BNC2: variants seen among roughly 807,000 people sequenced by gnomAD.
BNC2 encodes zinc finger protein basonuclin-2.
Under a neutral mutation model 76.3 loss-of-function variants are expected in BNC2, and 20 were observed. The ratio of observed to expected loss-of-function variants is 0.26; its 90% CI spans 0.18 to 0.38. The LOEUF (loss-of-function observed/expected upper bound fraction) is 0.38, where lower values mean the gene tolerates loss of function less well. Ranked by LOEUF, BNC2 falls within the 10% of genes least tolerant of loss-of-function variation. The probability of loss-of-function intolerance (pLI) is 1.00; values close to 1 mark genes in which losing one functional copy is unlikely to be tolerated. For missense variants in BNC2, 1,382 were observed against 1,399.8 expected (o/e 0.99, Z 0.20); for synonymous variants, 582 against 514.8 (o/e 1.13, Z -1.77).
chr9:16,492,188 G>A (rs568551994), intron 5 of BNC2, among the ~76,000 whole-genome samples: 11 of 151,718 alleles, frequency 7.3e-5, no homozygotes, highest in Admixed American at 2.6e-4. Flanking sequence ...CTTTCACATG[G>A]TGTGGGCAAG....
chr9:16,820,663 T>A (rs146042147), intron 1 of BNC2, among the ~76,000 whole-genome samples: 1 of 152,292 alleles, frequency 6.6e-6, no homozygotes, highest in Non-Finnish European at 1.5e-5. Context: ...TATCTGAATA[T>A]TAAGACTCAG....
chr9:16,568,204 T>C (rs866158726), intron 4 of BNC2, among the ~76,000 whole-genome samples: 2 of 152,170 alleles, frequency 1.3e-5, no homozygotes, highest in African/African-American at 4.8e-5. Flanking sequence ...GAATTTCCAA[T>C]AGATTAACAT....
chr9:16,443,541 T>TA lies in BNC2; in HGVS notation c.670-6018dup, dbSNP rs1474966421. ...TAAAATGAAACAGTAATTGCTGAATTAAAAATTGATGAAACAATGCTATGC... is the reference window on the plus strand; with the variant it reads ...TAAAATGAAACAGTAATTGCTGAATTAAAAAATTGATGAAACAATGCTATGC... On this transcript the variant is annotated intron_variant, in intron 5 of 6. Coordinates refer to ENST00000380672, the MANE Select transcript of BNC2 (RefSeq NM_017637.6). Among the ~76,000 whole-genome samples, 8 of 146,442 alleles carry TA rather than the reference T, an allele frequency of 5.5e-5. 1 individual carries two copies. Among genetic ancestry groups the TA allele is most frequent in the African/African-American group, 2.2e-4 (8 of 35,996 alleles).
At chr9:16,486,121 G>C (rs1382464395) in intron 5 of BNC2, among the ~76,000 whole-genome samples, 2 of 152,166 alleles carry the variant, frequency 1.3e-5, no homozygotes, top group East Asian at 3.9e-4. Context: ...CCCGTGCTGG[G>C]AGGCTAATGT....
chr9:16,840,875 T>C (rs1280564764), intron 1 of BNC2, among the ~76,000 whole-genome samples: 1 of 152,188 alleles, frequency 6.6e-6, no homozygotes, highest in Non-Finnish European at 1.5e-5. Flanking sequence ...TTAAATACCA[T>C]AACATATTTT....
chr9:16,600,656 T>G (rs1820219152), intron 3 of BNC2, among the ~76,000 whole-genome samples: 1 of 152,238 alleles, frequency 6.6e-6, no homozygotes, highest in Non-Finnish European at 1.5e-5. Context: ...GTGTTTCAAT[T>G]AGTTAAAATA....
rs1563830865 is a variant in BNC2 at position 16,539,705 on chromosome 9, A to AAAG, written c.669+12824_669+12825insCTT. On this transcript the variant is annotated intron_variant, in intron 5 of 6. Coordinates refer to ENST00000380672, the MANE Select transcript of BNC2 (RefSeq NM_017637.6). Reference sequence around the variant, plus strand: ...AAGGAAGGAAGGGAGAAAGGAAGGGAGGAAGGAAGGAAGGGGAAGGAAAAG... The same window carrying AAAG: ...AAGGAAGGAAGGGAGAAAGGAAGGGAAAGGGAAGGAAGGAAGGGGAAGGAAAAG... Among the ~76,000 whole-genome samples, 7 of 119,262 alleles carry AAAG rather than the reference A, an allele frequency of 5.9e-5. 1 individual carries two copies. Among genetic ancestry groups the AAAG allele is most frequent in the African/African-American group, 2.7e-4 (7 of 25,936 alleles). The allele number at this position is 119,262 out of a possible 152,430, so 78.2% of individuals were successfully genotyped here. A position where few individuals can be genotyped will look rare whatever the true frequency, so the allele number is the denominator to read the frequency against.
chr9:16,523,055 C>T (rs1167921721), intron 5 of BNC2, among the ~76,000 whole-genome samples: 2 of 152,186 alleles, frequency 1.3e-5, no homozygotes, highest in African/African-American at 4.8e-5. Flanking sequence ...GAAAATGAAA[C>T]ATGGAAGCAG....
Position 16,530,023 on chromosome 9 carries a change from T to C in BNC2, c.669+22507A>G, listed in dbSNP as rs1447069552. On this transcript the variant is annotated intron_variant, in intron 5 of 6. Transcript: ENST00000380672. ...CCACCATGCCCAGCTAATTTTTGTA[T>C]TTTTAGTAGAGATGGGGTTTCACTT... Among the ~76,000 whole-genome samples, 5 of 152,040 alleles carry C rather than the reference T, an allele frequency of 3.3e-5. No individual in the cohort carries two copies. In the East Asian group the frequency reaches 9.7e-4, roughly 29 times the overall value.
chr9:16,624,872 A>C (rs927744717), intron 3 of BNC2, among the ~76,000 whole-genome samples: 1 of 152,222 alleles, frequency 6.6e-6, no homozygotes, highest in Admixed American at 6.5e-5. Flanking sequence ...TTTCAAGGCC[A>C]GCAAGCACTT....
At chr9:16,506,389 G>C (rs1286420992) in intron 5 of BNC2, among the ~76,000 whole-genome samples, 3 of 151,842 alleles carry the variant, frequency 2.0e-5, no homozygotes, top group Non-Finnish European at 4.4e-5. Context: ...CCACGCTTAA[G>C]TGAAATTATC....
At chr9:16,620,645 G>C (rs563923952) in intron 3 of BNC2, among the ~76,000 whole-genome samples, 2 of 152,086 alleles carry the variant, frequency 1.3e-5, no homozygotes, top group Non-Finnish European at 2.9e-5. Context: ...CATAAGAAAA[G>C]ATTTGTAAAA....
At chr9:16,556,426 G>A (rs1250154175) in intron 4 of BNC2, among the ~76,000 whole-genome samples, 2 of 151,878 alleles carry the variant, frequency 1.3e-5, no homozygotes, top group African/African-American at 2.4e-5. Context: ...CTAAGAGTGT[G>A]GTTTAGGAAG....
chr9:16,727,046 C>G (rs1462064995), intron 3 of BNC2: 1 of 152,240 alleles, frequency 6.6e-6, no homozygotes, highest in Non-Finnish European at 1.5e-5. Flanking sequence ...GCAAGCCGAA[C>G]GCCTCCAGCG....
chr9:16,813,798 T>C (rs1036460783), intron 1 of BNC2, among the ~76,000 whole-genome samples: 1 of 152,184 alleles, frequency 6.6e-6, no homozygotes, highest in Non-Finnish European at 1.5e-5. Flanking sequence ...TTTCACTTGG[T>C]TGGTTTTTTG....
chr9:16,815,603 T>C (rs907829931), intron 1 of BNC2, among the ~76,000 whole-genome samples: 1 of 152,170 alleles, frequency 6.6e-6, no homozygotes. Flanking sequence ...TTAACATAAA[T>C]TTTGGACATA....
intron 1 of BNC2, among the ~76,000 whole-genome samples, chr9:16,861,908 G>A (rs1819419923): frequency 6.6e-6 from 1 of 151,928 alleles, no homozygotes; most frequent in African/African-American, 2.4e-5. Flanking sequence ...AGAATGGCGT[G>A]AACCTGGGAG....
chr9:16,543,517 G>A (rs573156599), intron 5 of BNC2, among the ~76,000 whole-genome samples: 112 of 152,256 alleles, frequency 7.4e-4, no homozygotes, highest in African/African-American at 2.6e-3. Flanking sequence ...CCTCCTGGGG[G>A]AATGCAAAAG....
intron 3 of BNC2, among the ~76,000 whole-genome samples, chr9:16,647,052 G>A (rs1821649572): frequency 6.6e-6 from 1 of 152,172 alleles, no homozygotes; most frequent in African/African-American, 2.4e-5. Context: ...AAGACAAAGA[G>A]GAGAATGATG....
Sources: allele counts gnomAD v4.1 joint callset (sites outside exome capture counted in the v4.1 genomes callset), GRCh38; gene constraint gnomAD v4.1.1; transcripts MANE v1.5; gene names NCBI Gene and HGNC (gene_info 2026-07-23, HGNC 2026-07-21).